Variants in MARCHF1 observed in about 807,000 individuals in gnomAD.
MARCHF1 encodes membrane associated ring-CH-type finger 1, also known as E3 ubiquitin-protein ligase MARCHF1.
Under a neutral mutation model 54.2 loss-of-function variants are expected in MARCHF1, and 40 were observed. The observed-to-expected ratio is 0.74, with a 90% CI of 0.57 to 0.96. The LOEUF is 0.96. Ranked by LOEUF, MARCHF1 falls within the 40% of genes least tolerant of loss-of-function variation. MARCHF1 has a pLI of 0.00. For synonymous variants in MARCHF1, 236 were observed against 236.3 expected (o/e 1.00, Z 0.01); for missense variants, 586 against 656.5 (o/e 0.89, Z 1.17).
intron 1 of MARCHF1, among the ~76,000 whole-genome samples, chr4:164,355,970 C>T (rs1730515255): frequency 8.0e-6 from 1 of 124,330 alleles, no homozygotes; most frequent in Non-Finnish European, 1.8e-5. Context: ...TGAACAGACA[C>T]TTCTCAAAAG....
At chr4:164,035,975 T>C (rs1454456328) in intron 2 of MARCHF1, among the ~76,000 whole-genome samples, 1 of 146,882 alleles carries the variant, frequency 6.8e-6, no homozygotes, top group African/African-American at 2.5e-5. Context: ...TGGTGGTGTG[T>C]ACCTGTAATC....
At chr4:163,791,230 T>G (rs1747766394) in intron 4 of MARCHF1, among the ~76,000 whole-genome samples, 1 of 152,138 alleles carries the variant, frequency 6.6e-6, no homozygotes, top group Non-Finnish European at 1.5e-5. Flanking sequence ...GATAGGTATG[T>G]GGACATATAG....
chr4:164,361,789 T>C (rs1365397137), intron 1 of MARCHF1, among the ~76,000 whole-genome samples: 2 of 152,118 alleles, frequency 1.3e-5, no homozygotes, highest in Non-Finnish European at 2.9e-5. Context: ...TGGGTAAGTA[T>C]ACAAACTTCT....
intron 3 of MARCHF1, among the ~76,000 whole-genome samples, chr4:163,947,647 A>C (rs1198797740): frequency 6.6e-6 from 1 of 152,232 alleles, no homozygotes; most frequent in Non-Finnish European, 1.5e-5. Flanking sequence ...TTGAAGAAAT[A>C]AGCTCTGTTG....
chr4:164,156,544 C>G (rs974080439), intron 1 of MARCHF1, among the ~76,000 whole-genome samples: 1 of 152,166 alleles, frequency 6.6e-6, no homozygotes, highest in Admixed American at 6.5e-5. Flanking sequence ...CTATCTCAGC[C>G]TCCTGTGTAG....
At chr4:163,685,205 C>T (rs538514340) in intron 5 of MARCHF1, among the ~76,000 whole-genome samples, 7 of 152,064 alleles carry the variant, frequency 4.6e-5, no homozygotes, top group African/African-American at 1.7e-4. Flanking sequence ...GGTTTTATTA[C>T]ACTTTTTTTT....
Position 164,171,526 on chromosome 4 carries a change from AAAT to A in MARCHF1, c.-322-59867_-322-59865del, listed in dbSNP as rs569080587. Among the ~76,000 whole-genome samples the A allele has an allele frequency of 1.2e-4, 19 of 152,300 alleles. No individual in the cohort carries two copies. In the East Asian group the frequency reaches 3.7e-3, roughly 29 times the overall value. On this transcript the variant is annotated intron_variant, in intron 1 of 9. Coordinates refer to ENST00000514618, the MANE Select transcript of MARCHF1 (RefSeq NM_001394959.1). ...TTAGAAGATTATAGTAATGATTCTC[AAAT>A]AATAGTTAAAACTTTTAAAATCAAA...
intron 1 of MARCHF1, among the ~76,000 whole-genome samples, chr4:164,347,609 G>C (rs1730144898): frequency 1.3e-5 from 2 of 152,140 alleles, no homozygotes; most frequent in Non-Finnish European, 2.9e-5. Flanking sequence ...CCACCGTGCT[G>C]CCATTTTTTA....
chr4:163,772,933 G>C (rs1474515832), intron 4 of MARCHF1, among the ~76,000 whole-genome samples: 1 of 152,138 alleles, frequency 6.6e-6, no homozygotes, highest in East Asian at 1.9e-4. Flanking sequence ...AGGAGAAGGA[G>C]GTGGGCATAT....
At chr4:163,970,298 C>G (rs1752523521) in intron 3 of MARCHF1, among the ~76,000 whole-genome samples, 1 of 152,168 alleles carries the variant, frequency 6.6e-6, no homozygotes, top group Non-Finnish European at 1.5e-5. Context: ...AGTCAAGCAA[C>G]CTGAGTAAAG....
At chr4:164,029,591 A>G (rs1461557866) in intron 2 of MARCHF1, among the ~76,000 whole-genome samples, 2 of 151,776 alleles carry the variant, frequency 1.3e-5, no homozygotes, top group Non-Finnish European at 2.9e-5. Flanking sequence ...GTCATTTTTA[A>G]CTTTTTTTCT....
intron 2 of MARCHF1, among the ~76,000 whole-genome samples, chr4:164,013,765 T>A (rs921772340): frequency 6.6e-6 from 1 of 152,152 alleles, no homozygotes; most frequent in Non-Finnish European, 1.5e-5. Flanking sequence ...CAACCTAGAA[T>A]ATTACATTAA....
intron 7 of MARCHF1, among the ~76,000 whole-genome samples, chr4:163,597,799 C>A (rs1579097939): frequency 6.6e-6 from 1 of 152,108 alleles, no homozygotes; most frequent in Non-Finnish European, 1.5e-5. Context: ...GTGTCTAGTT[C>A]CCTTCCTGTC....
intron 4 of MARCHF1, among the ~76,000 whole-genome samples, chr4:163,766,432 A>C (rs1282481662): frequency 6.6e-6 from 1 of 152,178 alleles, no homozygotes; most frequent in Non-Finnish European, 1.5e-5. Context: ...ACATAATATT[A>C]AAAATAAAAT....
At chr4:163,815,458 C>A (rs962895775) in intron 4 of MARCHF1, among the ~76,000 whole-genome samples, 6 of 152,106 alleles carry the variant, frequency 3.9e-5, no homozygotes, top group Non-Finnish European at 8.8e-5. Flanking sequence ...TGCATTAAAT[C>A]ATCACAACAG....
intron 4 of MARCHF1, among the ~76,000 whole-genome samples, chr4:163,704,780 C>T (rs1019302591): frequency 1.3e-5 from 2 of 151,364 alleles, no homozygotes; most frequent in African/African-American, 4.8e-5. Flanking sequence ...TATTAAAGAA[C>T]ACAAGAACGT....
intron 3 of MARCHF1, among the ~76,000 whole-genome samples, chr4:163,960,915 T>G (rs1752334354): frequency 6.6e-6 from 1 of 151,818 alleles, no homozygotes; most frequent in African/African-American, 2.4e-5. Context: ...CAGGGCTGGT[T>G]TCTGGTGAGG....
intron 8 of MARCHF1, among the ~76,000 whole-genome samples, chr4:163,557,228 C>T (rs1167046911): frequency 6.6e-6 from 1 of 152,014 alleles, no homozygotes; most frequent in Non-Finnish European, 1.5e-5. Flanking sequence ...GGATGAAATC[C>T]CAAATGTTGA....
intron 3 of MARCHF1, among the ~76,000 whole-genome samples, chr4:163,975,758 A>T (rs536700702): frequency 1.2e-4 from 19 of 152,336 alleles, no homozygotes; most frequent in Admixed American, 2.6e-4. Flanking sequence ...GATTCTGAGA[A>T]TCATAAGGGC....
Sources: gnomAD v4.1 joint callset for allele counts (sites outside exome capture counted in the v4.1 genomes callset) on GRCh38, gnomAD v4.1.1 for gene constraint, MANE v1.5 for transcripts, NCBI Gene and HGNC (gene_info 2026-07-23, HGNC 2026-07-21) for gene names.